The following PRDM15 variants were observed in gnomAD, a reference collection of about 807,000 sequenced individuals.
PRDM15 encodes the protein PR domain zinc finger protein 15.
PRDM15 carries 64 observed loss-of-function variants against 128.6 expected under a neutral mutation model. That is an observed-to-expected ratio of 0.50 (90% CI 0.41 to 0.61). The LOEUF (loss-of-function observed/expected upper bound fraction) is 0.61. PRDM15 is among the 20% of genes least tolerant of loss of function. The pLI, the probability that PRDM15 is intolerant of heterozygous loss-of-function variation, is 0.00. For missense variants in PRDM15, 1,242 were observed against 1,569.1 expected, an observed-to-expected ratio of 0.79 and a Z score of 3.52; for synonymous variants, 615 against 621.8, an observed-to-expected ratio of 0.99 and a Z score of 0.16.
rs868828285 is a variant in PRDM15, at chr21:41,811,893, C to T, written c.2393-1057G>A. ...TAGAGACGGGCTTTCACCGTGGTCT[C>T]GATCTCCTGACCTCGTGATCCGCCC... On this transcript the variant is annotated intron_variant, in intron 19 of 23. Transcript: ENST00000398548. The surrounding 1 kb of genome is among the most constrained non-coding windows in gnomAD (Gnocchi z 4.1). The T allele has an allele frequency of 1.3e-5, 2 of 152,174 alleles. No homozygotes were observed. Among genetic ancestry groups the T allele is most frequent in the Non-Finnish European group, 1.5e-5 (1 of 68,052 alleles). 9.4% of individuals were successfully genotyped at this position (152,174 alleles called of 1,614,324 possible).
chr21:41,802,749 C>T lies in PRDM15; in HGVS notation c.2906G>A (p.Gly969Asp), dbSNP rs775021065. 4 of 1,614,178 alleles carry T rather than the reference C, an allele frequency of 2.5e-6. No individual in the cohort carries two copies. Among genetic ancestry groups the T allele is most frequent in the Admixed American group, 1.7e-5 (1 of 60,020 alleles). Residue 969 changes from glycine to aspartate, a missense_variant, in exon 23 of 24, where the codon GGC becomes GAC. Physicochemically the swap from Gly to Asp is moderately conservative, Grantham distance 94. Coordinates refer to ENST00000398548, the MANE Select transcript of PRDM15 (RefSeq NM_001040424.3). Reference sequence around the variant, plus strand: ...CTGTACTGCGGAATTGGTCTCGTCGCCTACACTGCCTGTGAACTCCGTCTC... The same window carrying T: ...CTGTACTGCGGAATTGGTCTCGTCGTCTACACTGCCTGTGAACTCCGTCTC... Reference protein sequence around the residue: ...EKETEFTGSVGDETNSAVQSI... With the variant: ...EKETEFTGSVDDETNSAVQSI...
At chr21:41,856,045 T>C (rs1238738986) in intron 4 of PRDM15, among the ~76,000 whole-genome samples, 5 of 15,564 alleles carry the variant, frequency 3.2e-4, no homozygotes, top group African/African-American at 5.9e-4. Flanking sequence ...CCTTCCTTCC[T>C]TTCCTTCCTT....
intron 1 of PRDM15, among the ~76,000 whole-genome samples, chr21:41,876,131 C>T (rs1413798510): frequency 3.3e-5 from 5 of 152,208 alleles, no homozygotes; most frequent in African/African-American, 7.2e-5. Flanking sequence ...ATGGTATATG[C>T]GGTCCACCAT....
intron 6 of PRDM15, among the ~76,000 whole-genome samples, chr21:41,843,858 A>C (rs556485216): frequency 6.6e-6 from 1 of 151,144 alleles, no homozygotes; most frequent in South Asian, 2.1e-4. Flanking sequence ...TCAAAATGAG[A>C]GGATCATTTG....
At chr21:41,842,472 AAT>A (rs2063102103) in intron 6 of PRDM15, among the ~76,000 whole-genome samples, 1 of 152,330 alleles carries the variant, frequency 6.6e-6, no homozygotes, top group Non-Finnish European at 1.5e-5. Flanking sequence ...CAACTGCACC[AAT>A]ATATGTTTAT....
chr21:41,871,726 CACTG>C lies in PRDM15; in HGVS notation c.-10+7540_-10+7543del, dbSNP rs370388711. 5.5e-4 allele frequency: 705 copies of C among 1,289,188 alleles called. 7 individuals are homozygous for C. The African/African-American group carries it at 9.5e-3, about 17-fold the overall frequency. The allele number at this position is 1,289,188 out of a possible 1,614,324, so 79.9% of individuals were successfully genotyped here. A position where few individuals can be genotyped will look rare whatever the true frequency, so the allele number is the denominator to read the frequency against. Reference sequence around the variant, plus strand: ...ACTAACAGTGGTCCTCTGTTGTTACCACTGACAGCCAATCAGCAGCCTCCTTCCT... The same window carrying C: ...ACTAACAGTGGTCCTCTGTTGTTACCACAGCCAATCAGCAGCCTCCTTCCT... On this transcript the variant is annotated intron_variant, in intron 1 of 23. Transcript: ENST00000398548.
At chr21:41,824,910 G>GGCGGGGACGGTGACA (rs1199446257) in intron 13 of PRDM15, among the ~76,000 whole-genome samples, 4 of 152,274 alleles carry the variant, frequency 2.6e-5, no homozygotes, top group Non-Finnish European at 5.9e-5. Context: ...AAGGCAGGAC[G>GGCGGGGACGGTGACA]GCGGGGACGG....
chr21:41,835,563 G>A (rs759239595), intron 10 of PRDM15, 39 bp from the exon 11 acceptor site: 27 of 1,558,226 alleles, frequency 1.7e-5, no homozygotes, highest in African/African-American at 4.1e-5. Context: ...ATGGCCCAGC[G>A]CAGAGTCCAC....
At chr21:41,871,428 T>C (rs1439442252) in intron 1 of PRDM15, 12 of 1,238,250 alleles carry the variant, frequency 9.7e-6, no homozygotes, top group African/African-American at 1.6e-5. Flanking sequence ...GCAGCTGCCA[T>C]TGTTAAAGCC....
Position 41,859,471 on chromosome 21 carries a change from T to A in PRDM15, c.131+121A>T. 1.2e-6 allele frequency: 1 copy of A among 809,682 alleles called. No individual in the cohort carries two copies. 50.2% of individuals were successfully genotyped at this position (809,682 alleles called of 1,614,324 possible). On this transcript the variant is annotated intron_variant, in intron 3 of 23. Transcript: ENST00000398548. This position sits in a 1 kb window ranked among gnomAD's most constrained non-coding sequence, Gnocchi z 5.3. Reference sequence around the variant, plus strand: ...ACAGTGGGAGCGGAATCGCTGGCTCTCACTCAGAGTGCCTCTGTTCTCCCT... The same window carrying A: ...ACAGTGGGAGCGGAATCGCTGGCTCACACTCAGAGTGCCTCTGTTCTCCCT...
At chr21:41,851,125 A>G (rs1046258383) in intron 5 of PRDM15, among the ~76,000 whole-genome samples, 2 of 56,528 alleles carry the variant, frequency 3.5e-5, no homozygotes, top group African/African-American at 7.6e-5. Context: ...AGGTACAACA[A>G]TGCACAAAAG....
At chr21:41,842,577 G>A (rs185298356) in intron 6 of PRDM15, among the ~76,000 whole-genome samples, 11 of 151,538 alleles carry the variant, frequency 7.3e-5, no homozygotes, top group East Asian at 5.9e-4. Context: ...TATAACCTCC[G>A]CCTCCCAGGT....
Position 41,820,116 on chromosome 21 carries a change from G to A in PRDM15, c.2119C>T (p.Arg707Cys). 2 of 1,613,782 alleles carry A rather than the reference G, an allele frequency of 1.2e-6. No individual in the cohort carries two copies. Among genetic ancestry groups the A allele is most frequent in the Non-Finnish European group, 1.7e-6 (2 of 1,179,838 alleles). The part of the protein sequence containing the change: ...RIFNSIGNLE[R>C]HKLIHTGVKS... ...GCACCTGTGTGGATGAGCTTGTGGC[G>A]CTCCAGGTTCCCGATGCTGTTGAAG... The change falls in exon 17 of 24, where the codon CGC becomes TGC. Residue 707 changes from arginine to cysteine, a missense_variant. Physicochemically the swap from Arg to Cys is radical, Grantham distance 180. This residue lies in a region of PRDM15 where 602 missense variants were observed against 788.3 expected (regional missense o/e 0.76). Coordinates refer to ENST00000398548, the MANE Select transcript of PRDM15 (RefSeq NM_001040424.3).
chr21:41,805,442 T>C (rs550865729), intron 21 of PRDM15, among the ~76,000 whole-genome samples: 27 of 152,324 alleles, frequency 1.8e-4, no homozygotes, highest in African/African-American at 6.5e-4. Flanking sequence ...AAGCAGACTA[T>C]GCTTTGTGGA....
At chr21:41,819,745 C>T (rs1259801378) in intron 17 of PRDM15, 44 bp from the exon 18 acceptor site, 2 of 1,562,678 alleles carry the variant, frequency 1.3e-6, no homozygotes, top group South Asian at 2.3e-5. Flanking sequence ...GCAGCTCCGA[C>T]CTGCAGTGGC....
rs568743205 is a variant in PRDM15, at chr21:41,863,194, G to A, written c.-9-2822C>T. ...AAAAAGAAAAAAAAAAAAAAAGTGT[G>A]AGGTCCCCCTATCTCAACCACCAAT... On this transcript the variant is annotated intron_variant, in intron 1 of 23. Transcript: ENST00000398548. 3 of 150,882 alleles carry A rather than the reference G, an allele frequency of 2.0e-5. No individual in the cohort carries two copies. In the East Asian group the frequency reaches 5.8e-4, roughly 29 times the overall value. The allele number at this position is 150,882 out of a possible 1,614,324, so 9.3% of individuals were successfully genotyped here. A position where few individuals can be genotyped will look rare whatever the true frequency, so the allele number is the denominator to read the frequency against.
chr21:41,843,950 T>TTAAAAAAAA (rs1555883670), intron 6 of PRDM15, among the ~76,000 whole-genome samples: 3 of 123,290 alleles, frequency 2.4e-5, no homozygotes, highest in South Asian at 2.6e-4. Context: ...CCTTGTATTG[T>TTAAAAAAAA]AAAAAAAAAA....
chr21:41,815,317 G>A (rs769413926), intron 19 of PRDM15, among the ~76,000 whole-genome samples: 1 of 152,186 alleles, frequency 6.6e-6, no homozygotes, highest in Non-Finnish European at 1.5e-5. Context: ...CCGAGGCCAC[G>A]TCTGACCTTC....
At chr21:41,848,417 G>A (rs1272429125) in intron 5 of PRDM15, among the ~76,000 whole-genome samples, 1 of 152,186 alleles carries the variant, frequency 6.6e-6, no homozygotes, top group Non-Finnish European at 1.5e-5. Context: ...GGTGTGGGGG[G>A]CACCCTGCCA....
Sources: allele counts gnomAD v4.1 joint callset (sites outside exome capture counted in the v4.1 genomes callset), GRCh38; gene constraint gnomAD v4.1.1; regional missense constraint gnomAD v4.1.1; non-coding constraint Gnocchi (gnomAD v3.1); transcripts MANE v1.5; gene names NCBI Gene and HGNC (gene_info 2026-07-23, HGNC 2026-07-21).